Variants in CENPP observed in about 807,000 individuals in gnomAD.
CENPP encodes centromere protein P.
A neutral mutation model predicts 35.6 loss-of-function variants in CENPP; 24 were observed. The observed-to-expected ratio is 0.67, with a 90% CI of 0.49 to 0.95. The LOEUF is 0.95. Ranked by LOEUF, CENPP falls within the 40% of genes least tolerant of loss-of-function variation. CENPP has a pLI of 0.00. For missense variants in CENPP, 332 were observed against 345.3 expected, an observed-to-expected ratio of 0.96 and a Z score of 0.31; for synonymous variants, 120 against 125.5, an observed-to-expected ratio of 0.96 and a Z score of 0.29.
chr9:92,516,307 C>T (rs1003272661), intron 5 of CENPP, among the ~76,000 whole-genome samples: 9 of 152,148 alleles, frequency 5.9e-5, no homozygotes, highest in African/African-American at 1.7e-4. Context: ...TTGTGATCCT[C>T]CCGCCTCAGC....
Position 92,468,465 on chromosome 9 carries a change from C to G in CENPP, c.564+88606C>G, listed in dbSNP as rs1406514195. Among the ~76,000 whole-genome samples, 3 of 152,118 alleles carry G rather than the reference C, an allele frequency of 2.0e-5. No individual in the cohort carries two copies. The East Asian group carries it at 5.8e-4, about 29-fold the overall frequency. On this transcript the variant is annotated intron_variant, in intron 5 of 7. Coordinates refer to ENST00000375587, the MANE Select transcript of CENPP (RefSeq NM_001012267.3). ...GGACAGTGATTCATGCCACATGTGT[C>G]TCATAATGGCTGGAAGTGAGCTGGG...
chr9:92,515,059 T>G lies in CENPP; in HGVS notation c.565-96255T>G, dbSNP rs200124000. ...TTCATCCTCCTCAGATTGAAGTGCT[T>G]CTTTTCTTACTATTCGGTCCATTCC... is the stretch of plus-strand genomic sequence containing the variant. On this transcript the variant is annotated intron_variant, in intron 5 of 7. Coordinates refer to ENST00000375587, the MANE Select transcript of CENPP (RefSeq NM_001012267.3). The G allele has an allele frequency of 3.1e-6, 5 of 1,614,174 alleles. No individual in the cohort carries two copies. The East Asian group carries it at 8.9e-5, about 29-fold the overall frequency.
intron 5 of CENPP, among the ~76,000 whole-genome samples, chr9:92,598,582 C>T (rs897025250): frequency 6.6e-6 from 1 of 152,122 alleles, no homozygotes; most frequent in African/African-American, 2.4e-5. Flanking sequence ...CCAGTTGGAA[C>T]AAGGTCAGGA....
At chr9:92,399,234 A>G (rs1843010416) in intron 5 of CENPP, among the ~76,000 whole-genome samples, 1 of 152,072 alleles carries the variant, frequency 6.6e-6, no homozygotes, top group Admixed American at 6.5e-5. Context: ...GTGTTGTCAT[A>G]CTTCAATTTT....
intron 5 of CENPP, among the ~76,000 whole-genome samples, chr9:92,510,596 T>C (rs1047011200): frequency 6.6e-6 from 1 of 152,226 alleles, no homozygotes; most frequent in African/African-American, 2.4e-5. Flanking sequence ...GAAAAGTGTC[T>C]TTTTCACATT....
intron 4 of CENPP, among the ~76,000 whole-genome samples, chr9:92,347,467 A>T (rs1841324129): frequency 6.6e-6 from 1 of 152,250 alleles, no homozygotes; most frequent in African/African-American, 2.4e-5. Flanking sequence ...TGCTGAACAT[A>T]GGTCAGAAGA....
At chr9:92,413,168 G>T (rs943631071) in intron 5 of CENPP, among the ~76,000 whole-genome samples, 3 of 151,690 alleles carry the variant, frequency 2.0e-5, no homozygotes, top group Non-Finnish European at 4.4e-5. Context: ...TGTATTTTTA[G>T]TAGAGATGGG....
intron 5 of CENPP, among the ~76,000 whole-genome samples, chr9:92,596,620 A>G (rs1418785756): frequency 1.3e-5 from 2 of 152,104 alleles, no homozygotes; most frequent in African/African-American, 2.4e-5. Flanking sequence ...GGCATCAAGT[A>G]CATTGGAAAG....
intron 5 of CENPP, chr9:92,393,001 GGCA>G (rs1842749448): frequency 3.8e-6 from 4 of 1,062,808 alleles, no homozygotes; most frequent in Non-Finnish European, 5.4e-6. Flanking sequence ...GAATGTGATA[GGCA>G]GCAACTATAT....
chr9:92,485,323 T>C (rs1180584632), intron 5 of CENPP, among the ~76,000 whole-genome samples: 3 of 152,204 alleles, frequency 2.0e-5, no homozygotes, highest in Non-Finnish European at 4.4e-5. Flanking sequence ...CATTGAGCCT[T>C]AGTCTAAATA....
intron 5 of CENPP, chr9:92,505,621 G>A: frequency 1.2e-6 from 2 of 1,610,818 alleles, no homozygotes; most frequent in South Asian, 1.1e-5. Flanking sequence ...AGGTTTGAAA[G>A]CTAAAGGATT....
rs562740372 is a variant in CENPP, at chr9:92,392,627, G to A, written c.564+12768G>A. 3.8e-4 allele frequency among the ~76,000 whole-genome samples: 58 copies of A among 151,264 alleles called. No homozygotes were observed. The South Asian group carries it at 0.012, about 31-fold the overall frequency. On this transcript the variant is annotated intron_variant, in intron 5 of 7. Coordinates refer to ENST00000375587, the MANE Select transcript of CENPP (RefSeq NM_001012267.3). ...AAGACTCCATGTCGGGTTGGGGGGA[G>A]GGGGGAGAAAAAAAAAACACTTCCC...
At chr9:92,341,418 G>A (rs1841113905) in intron 3 of CENPP, among the ~76,000 whole-genome samples, 1 of 152,060 alleles carries the variant, frequency 6.6e-6, no homozygotes, top group African/African-American at 2.4e-5. Flanking sequence ...TGGTTTTTGT[G>A]GCTCGTGGGG....
chr9:92,389,913 A>G (rs1396970359), intron 5 of CENPP: 1 of 1,613,406 alleles, frequency 6.2e-7, no homozygotes. Context: ...GCATTAAATA[A>G]AGTGAGCTTG....
At chr9:92,393,575 G>A (rs749724161) in intron 5 of CENPP, among the ~76,000 whole-genome samples, 37 of 152,150 alleles carry the variant, frequency 2.4e-4, no homozygotes, top group Non-Finnish European at 8.8e-5. Flanking sequence ...TTTAATGTGT[G>A]AGAAACATAT....
At position 92,332,186 on chromosome 9, in the gene CENPP, A is replaced by G. The variant is rs375323066; in HGVS notation, c.124A>G (p.Ile42Val). Residue 42 changes from isoleucine (I) to valine (V), a missense_variant, in exon 2 of 8, where the codon ATA (isoleucine) becomes GTA (valine). By Grantham distance (29) the Ile-to-Val change is conservative. Transcript: ENST00000375587. ...GCCTTTTAGAAAATCTTTTCAAGCC[A>G]TACACCAATTCAATTTGGAAGGATG... ...KSRVQKSFQA[I>V]HQFNLEGWKS... 10 of 1,603,718 alleles carry G rather than the reference A, an allele frequency of 6.2e-6. No homozygotes were observed. The highest frequency in any genetic ancestry group is 2.7e-5 in the African/African-American group (2 of 74,214).
At chr9:92,402,152 T>C (rs767611039) in intron 5 of CENPP, among the ~76,000 whole-genome samples, 1 of 152,194 alleles carries the variant, frequency 6.6e-6, no homozygotes, top group African/African-American at 2.4e-5. Flanking sequence ...ATTCAAATCA[T>C]CCAAGTGAGC....
chr9:92,398,420 C>T (rs1376398202), intron 5 of CENPP, among the ~76,000 whole-genome samples: 1 of 152,196 alleles, frequency 6.6e-6, no homozygotes, highest in Non-Finnish European at 1.5e-5. Context: ...GCCATCCCCT[C>T]TCCCCCAATT....
At chr9:92,527,318 T>C (rs1310045186) in intron 5 of CENPP, among the ~76,000 whole-genome samples, 2 of 152,188 alleles carry the variant, frequency 1.3e-5, no homozygotes, top group African/African-American at 4.8e-5. Flanking sequence ...GCTTTAGATA[T>C]GTTTAGATAC....
Sources: allele counts gnomAD v4.1 joint callset (sites outside exome capture counted in the v4.1 genomes callset), GRCh38; gene constraint gnomAD v4.1.1; transcripts MANE v1.5; gene names NCBI Gene and HGNC (gene_info 2026-07-23, HGNC 2026-07-21).